Variants in MACROD2 observed in about 807,000 individuals in gnomAD.
MACROD2 encodes the protein ADP-ribose glycohydrolase MACROD2.
In MACROD2, 36 loss-of-function variants were observed where a neutral mutation model predicts 70.4. That is an observed-to-expected ratio of 0.51 (90% CI 0.39 to 0.68). The LOEUF is 0.68. Among genes scored for constraint, MACROD2 ranks in the 30% least tolerant of loss-of-function variants. MACROD2 has a pLI of 0.00. For missense variants in MACROD2, 496 were observed against 538.4 expected, an observed-to-expected ratio of 0.92 and a Z score of 0.78; for synonymous variants, 172 against 178.8, an observed-to-expected ratio of 0.96 and a Z score of 0.30.
At chr20:15,921,137 A>G (rs1388370827) in intron 10 of MACROD2, among the ~76,000 whole-genome samples, 6 of 152,138 alleles carry the variant, frequency 3.9e-5, no homozygotes, top group African/African-American at 1.4e-4. Flanking sequence ...CCCCGTAGAC[A>G]TGCCTCACTC....
At chr20:15,442,541 C>T (rs1476190326) in intron 7 of MACROD2, among the ~76,000 whole-genome samples, 1 of 152,084 alleles carries the variant, frequency 6.6e-6, no homozygotes. Context: ...CACCCTCTGT[C>T]TAATGGTCCC....
At chr20:14,520,971 A>ATACACG (rs1568651872) in intron 4 of MACROD2, among the ~76,000 whole-genome samples, 1 of 151,386 alleles carries the variant, frequency 6.6e-6, no homozygotes, top group Non-Finnish European at 1.5e-5. Context: ...ACACACACAC[A>ATACACG]CACGCACACA....
chr20:15,928,715 G>A (rs1246539865), intron 10 of MACROD2, among the ~76,000 whole-genome samples: 2 of 152,198 alleles, frequency 1.3e-5, no homozygotes, highest in Non-Finnish European at 2.9e-5. Flanking sequence ...TATTCAATAA[G>A]TGTTAGCTGG....
intron 10 of MACROD2, among the ~76,000 whole-genome samples, chr20:15,910,176 A>T (rs192768724): frequency 6.6e-6 from 1 of 152,280 alleles, no homozygotes; most frequent in East Asian, 1.9e-4. Context: ...TTCTCTCAAA[A>T]TTTGCTGACT....
At chr20:15,306,869 G>T (rs569523262) in intron 6 of MACROD2, among the ~76,000 whole-genome samples, 1 of 152,248 alleles carries the variant, frequency 6.6e-6, no homozygotes, top group African/African-American at 2.4e-5. Context: ...AAAAAAAGAG[G>T]TTTACTTGAC....
intron 3 of MACROD2, among the ~76,000 whole-genome samples, chr20:14,210,505 G>A (rs1480196245): frequency 6.6e-6 from 1 of 152,164 alleles, no homozygotes; most frequent in African/African-American, 2.4e-5. Context: ...TCACCTAGAT[G>A]AAGGCAGGTT....
intron 5 of MACROD2, chr20:14,905,930 A>C (rs1218003363): frequency 2.6e-5 from 4 of 151,942 alleles, no homozygotes; most frequent in Admixed American, 2.6e-4. Context: ...TGGGCAGCTA[A>C]TTCATTCTTG....
chr20:14,004,147 G>A (rs1787750937), intron 2 of MACROD2, among the ~76,000 whole-genome samples: 1 of 152,178 alleles, frequency 6.6e-6, no homozygotes, highest in African/African-American at 2.4e-5. Context: ...TGAGCATTAT[G>A]TTGGTGCTCA....
intron 3 of MACROD2, among the ~76,000 whole-genome samples, chr20:14,479,695 G>T (rs955860711): frequency 6.6e-6 from 1 of 151,974 alleles, no homozygotes; most frequent in Non-Finnish European, 1.5e-5. Context: ...AACAAATTAT[G>T]CTATCTTCAC....
intron 13 of MACROD2, among the ~76,000 whole-genome samples, chr20:15,983,012 T>C (rs540683420): frequency 2.0e-5 from 3 of 152,326 alleles, no homozygotes; most frequent in Admixed American, 2.0e-4. Flanking sequence ...CTTTCTGACA[T>C]ATAGAGTGTA....
intron 5 of MACROD2, among the ~76,000 whole-genome samples, chr20:14,889,238 G>T (rs2073720266): frequency 6.6e-6 from 1 of 152,124 alleles, no homozygotes; most frequent in Non-Finnish European, 1.5e-5. Flanking sequence ...CTGGCCAAAG[G>T]TTGTTGTAGG....
intron 5 of MACROD2, among the ~76,000 whole-genome samples, chr20:14,998,050 C>A (rs1373236259): frequency 6.6e-6 from 1 of 152,162 alleles, no homozygotes; most frequent in Non-Finnish European, 1.5e-5. Flanking sequence ...CTTGGAATGC[C>A]TCCTAATGCA....
chr20:15,975,251 GA>G (rs2066288974), intron 13 of MACROD2, among the ~76,000 whole-genome samples: 2 of 152,194 alleles, frequency 1.3e-5, no homozygotes, highest in Middle Eastern at 6.8e-3. Context: ...AAAATTAGTG[GA>G]AATAGGGTTT....
chr20:15,121,877 G>A (rs191182238), intron 5 of MACROD2, among the ~76,000 whole-genome samples: 1 of 152,062 alleles, frequency 6.6e-6, no homozygotes, highest in Non-Finnish European at 1.5e-5. Context: ...ACTTAGGTTA[G>A]GATGTTGCTA....
intron 5 of MACROD2, among the ~76,000 whole-genome samples, chr20:15,028,293 A>G (rs2075248926): frequency 6.6e-6 from 1 of 152,150 alleles, no homozygotes; most frequent in Non-Finnish European, 1.5e-5. Context: ...CCAAGGTATC[A>G]CTGTAGGAGG....
At chr20:14,032,092 G>A (rs917179785) in intron 2 of MACROD2, among the ~76,000 whole-genome samples, 2 of 151,750 alleles carry the variant, frequency 1.3e-5, no homozygotes, top group Non-Finnish European at 2.9e-5. Flanking sequence ...ATTTATTATT[G>A]TACATGGTGC....
chr20:14,107,565 A>T (rs1181031628), intron 3 of MACROD2, among the ~76,000 whole-genome samples: 1 of 152,140 alleles, frequency 6.6e-6, no homozygotes, highest in African/African-American at 2.4e-5. Context: ...TATAACAAAA[A>T]AGACTACCTC....
intron 8 of MACROD2, among the ~76,000 whole-genome samples, chr20:15,714,692 G>A (rs1222933754): frequency 6.6e-6 from 1 of 152,088 alleles, no homozygotes; most frequent in Admixed American, 6.5e-5. Flanking sequence ...GTACAAACTT[G>A]TGCCATATAC....
intron 8 of MACROD2, among the ~76,000 whole-genome samples, chr20:15,668,385 T>G (rs538871035): frequency 3.3e-5 from 5 of 152,108 alleles, no homozygotes; most frequent in African/African-American, 1.2e-4. Context: ...CTGACCAACA[T>G]GGAGAAACTC....
Sources: gnomAD v4.1 joint callset for allele counts (sites outside exome capture counted in the v4.1 genomes callset) on GRCh38, gnomAD v4.1.1 for gene constraint, MANE v1.5 for transcripts, NCBI Gene and HGNC (gene_info 2026-07-23, HGNC 2026-07-21) for gene names.